Variants in ATP6V1C1 observed in about 807,000 individuals in gnomAD.
The protein encoded by ATP6V1C1 is V-type proton ATPase subunit C 1.
A neutral mutation model predicts 53.9 loss-of-function variants in ATP6V1C1; 45 were observed. The ratio of observed to expected loss-of-function variants is 0.83; its 90% confidence interval spans 0.66 to 1.07. The LOEUF (loss-of-function observed/expected upper bound fraction) is 1.07, where lower values mean the gene tolerates loss of function less well. Among genes scored for constraint, ATP6V1C1 ranks in the 50% least tolerant of loss-of-function variants. The probability of loss-of-function intolerance (pLI) is 0.00; values close to 1 mark genes in which losing one functional copy is unlikely to be tolerated. For missense variants in ATP6V1C1, 315 were observed against 440.3 expected, an observed-to-expected ratio of 0.72 and a Z score of 2.55; for synonymous variants, 153 against 155.2, an observed-to-expected ratio of 0.99 and a Z score of 0.11.
intron 4 of ATP6V1C1, among the ~76,000 whole-genome samples, chr8:103,050,207 C>T (rs541183486): frequency 5.3e-5 from 8 of 152,214 alleles, no homozygotes; most frequent in African/African-American, 1.4e-4. Context: ...TGAGAAACAA[C>T]GAAGGTATGT....
At chr8:103,041,729 A>G (rs1214363242) in intron 2 of ATP6V1C1, among the ~76,000 whole-genome samples, 3 of 151,956 alleles carry the variant, frequency 2.0e-5, no homozygotes. Context: ...AAAATTAGCC[A>G]GGCATGTTGG....
At position 103,064,930 on chromosome 8, in the gene ATP6V1C1, A is replaced by G. The variant is rs1053951936; in HGVS notation, c.926+119A>G. 5.2e-5 allele frequency: 41 copies of G among 786,512 alleles called. No individual in the cohort carries two copies. The African/African-American group carries it at 5.8e-4, about 11-fold the overall frequency. The allele number at this position is 786,512 out of a possible 1,614,324, so 48.7% of individuals were successfully genotyped here. On this transcript the variant is annotated intron_variant, in intron 11 of 12. Coordinates refer to ENST00000518738, the MANE Select transcript of ATP6V1C1 (RefSeq NM_001695.5). ...TTGATTTGGAGAAATCAAAGGGCCA[A>G]TCATGAGACAGAGATTATCAGTATC...
rs754819486 is a variant in ATP6V1C1, at chr8:103,051,103, A to G, written c.340A>G (p.Ile114Val). The G allele has an allele frequency of 3.1e-6, 5 of 1,610,372 alleles. No individual in the cohort carries two copies. Among genetic ancestry groups the G allele is most frequent in the East Asian group, 2.2e-5 (1 of 44,720 alleles). The change falls in exon 5 of 13, where the codon ATC becomes GTC. Residue 114 changes from isoleucine to valine, a missense_variant. Physicochemically the swap from Ile to Val is conservative, Grantham distance 29. Coordinates refer to ENST00000518738, the MANE Select transcript of ATP6V1C1 (RefSeq NM_001695.5). Reference protein sequence around the residue: ...RFQWDMAKYPIKQSLKNISEI... With the variant: ...RFQWDMAKYPVKQSLKNISEI... ...CCAGTGGGACATGGCCAAATATCCA[A>G]TCAAGCAGTCCCTGAAAAATATTTC...
chr8:103,034,961 C>G (rs975802159), intron 1 of ATP6V1C1, among the ~76,000 whole-genome samples: 2 of 152,132 alleles, frequency 1.3e-5, no homozygotes, highest in African/African-American at 4.8e-5. Context: ...TTGCAAAATA[C>G]TTATGATGTT....
intron 3 of ATP6V1C1, 69 bp downstream of exon 3, chr8:103,042,476 G>T (rs952912461): frequency 2.7e-6 from 4 of 1,479,110 alleles, no homozygotes; most frequent in Non-Finnish European, 3.8e-6. Context: ...TGGACACTGG[G>T]TTTATTATCA....
intron 1 of ATP6V1C1, among the ~76,000 whole-genome samples, chr8:103,032,708 C>T (rs1024667097): frequency 6.6e-6 from 1 of 152,044 alleles, no homozygotes; most frequent in Non-Finnish European, 1.5e-5. Flanking sequence ...GAACTCCTGG[C>T]CTCAAGTGAT....
intron 2 of ATP6V1C1, among the ~76,000 whole-genome samples, chr8:103,041,961 A>G (rs1194343642): frequency 1.3e-5 from 2 of 152,190 alleles, no homozygotes; most frequent in African/African-American, 4.8e-5. Context: ...TTCCTCCAAA[A>G]CGTACTCACT....
At chr8:103,023,552 G>A (rs1312684798) in intron 1 of ATP6V1C1, among the ~76,000 whole-genome samples, 1 of 152,116 alleles carries the variant, frequency 6.6e-6, no homozygotes, top group East Asian at 1.9e-4. Context: ...ACATAGCAGA[G>A]GCTCTTTTGC....
chr8:103,024,716 C>T (rs1022821111), intron 1 of ATP6V1C1, among the ~76,000 whole-genome samples: 1 of 152,178 alleles, frequency 6.6e-6, no homozygotes, highest in Admixed American at 6.5e-5. Flanking sequence ...TAGCATAGTG[C>T]CCTTGGGACG....
intron 10 of ATP6V1C1, among the ~76,000 whole-genome samples, chr8:103,064,014 A>G (rs1206372524): frequency 6.6e-6 from 1 of 152,194 alleles, no homozygotes; most frequent in Non-Finnish European, 1.5e-5. Flanking sequence ...TATTTTGACA[A>G]GATTTTCACT....
At chr8:103,024,653 A>G (rs1816663893) in intron 1 of ATP6V1C1, among the ~76,000 whole-genome samples, 1 of 152,206 alleles carries the variant, frequency 6.6e-6, no homozygotes, top group Non-Finnish European at 1.5e-5. Context: ...AAATTAATTC[A>G]TGTTAGATTT....
At chr8:103,052,317 A>G (rs973701465) in intron 5 of ATP6V1C1, among the ~76,000 whole-genome samples, 2 of 152,120 alleles carry the variant, frequency 1.3e-5, no homozygotes, top group East Asian at 1.9e-4. Context: ...TTTTAATTTC[A>G]TAGAAAAATA....
chr8:103,044,191 C>T (rs1314498778), intron 3 of ATP6V1C1, among the ~76,000 whole-genome samples: 5 of 152,084 alleles, frequency 3.3e-5, no homozygotes, highest in Non-Finnish European at 7.4e-5. Context: ...GCCATGTCTT[C>T]GTTTTCTTGA....
chr8:103,022,489 T>A (rs558318115), intron 1 of ATP6V1C1, among the ~76,000 whole-genome samples: 1 of 152,130 alleles, frequency 6.6e-6, no homozygotes, highest in South Asian at 2.1e-4. Flanking sequence ...ATTGTCTTTA[T>A]AGAGCTTACA....
At chr8:103,051,662 C>T (rs984234833) in intron 5 of ATP6V1C1, among the ~76,000 whole-genome samples, 2 of 152,054 alleles carry the variant, frequency 1.3e-5, no homozygotes, top group Admixed American at 6.6e-5. Flanking sequence ...ACCTTGAAGC[C>T]GATGCATGAA....
chr8:103,039,435 A>G (rs1816955114), intron 1 of ATP6V1C1, among the ~76,000 whole-genome samples: 1 of 152,214 alleles, frequency 6.6e-6, no homozygotes, highest in South Asian at 2.1e-4. Flanking sequence ...AATACTTTAC[A>G]TTTTAAAGGA....
chr8:103,057,514 A>G (rs1817311127), intron 8 of ATP6V1C1, among the ~76,000 whole-genome samples: 1 of 152,210 alleles, frequency 6.6e-6, no homozygotes, highest in South Asian at 2.1e-4. Context: ...TTTGTTACTT[A>G]GGCGTGGAAA....
intron 1 of ATP6V1C1, among the ~76,000 whole-genome samples, chr8:103,023,336 T>A (rs1326905976): frequency 1.3e-5 from 2 of 148,694 alleles, no homozygotes; most frequent in Non-Finnish European, 3.0e-5. Context: ...CAAAAGTGAA[T>A]GAGGGGAGAC....
chr8:103,026,918 A>G (rs1816706857), intron 1 of ATP6V1C1, among the ~76,000 whole-genome samples: 1 of 152,228 alleles, frequency 6.6e-6, no homozygotes, highest in Non-Finnish European at 1.5e-5. Flanking sequence ...GTTACTGAAA[A>G]TGTTTAAACA....
Sources: gnomAD v4.1 joint callset for allele counts (sites outside exome capture counted in the v4.1 genomes callset) on GRCh38, gnomAD v4.1.1 for gene constraint, MANE v1.5 for transcripts, NCBI Gene and HGNC (gene_info 2026-07-23, HGNC 2026-07-21) for gene names.